KCNN3: variants seen among roughly 807,000 people sequenced by gnomAD.
The protein encoded by KCNN3 is potassium calcium-activated channel subfamily N member 3, also known as small conductance calcium-activated potassium channel protein 3.
Under a neutral mutation model 62.9 loss-of-function variants are expected in KCNN3, and 16 were observed. The ratio of observed to expected loss-of-function variants is 0.25; its 90% CI spans 0.17 to 0.39. The LOEUF is 0.39. Ranked by LOEUF, KCNN3 falls within the 10% of genes least tolerant of loss-of-function variation. The probability of loss-of-function intolerance (pLI) is 1.00; values close to 1 mark genes in which losing one functional copy is unlikely to be tolerated. For missense variants in KCNN3, 599 were observed against 949.4 expected, an observed-to-expected ratio of 0.63 and a Z score of 4.85; for synonymous variants, 370 against 389.2, an observed-to-expected ratio of 0.95 and a Z score of 0.58.
chr1:154,772,768 T>C lies in KCNN3; in HGVS notation c.1030-375A>G, dbSNP rs1443017318. ...GTGATAAGTGTCATTTGTATGCTAATGAGATGACTAGTGGCTGGGGTCGGT... is the reference window on the plus strand; with the variant it reads ...GTGATAAGTGTCATTTGTATGCTAACGAGATGACTAGTGGCTGGGGTCGGT... On this transcript the variant is annotated intron_variant, in intron 2 of 7. Coordinates refer to ENST00000271915, the MANE Select transcript of KCNN3 (RefSeq NM_002249.6). The surrounding 1 kb of genome is among the most constrained non-coding windows in gnomAD (Gnocchi z 5.6). Among the ~76,000 whole-genome samples, 6 of 152,032 alleles carry C rather than the reference T, an allele frequency of 3.9e-5. No homozygotes were observed. The highest frequency in any genetic ancestry group is 1.4e-4 in the African/African-American group (6 of 41,388).
intron 2 of KCNN3, among the ~76,000 whole-genome samples, chr1:154,806,909 A>T (rs1416631867): frequency 6.6e-6 from 1 of 152,188 alleles, no homozygotes; most frequent in East Asian, 1.9e-4. Context: ...CAGGGTGCCC[A>T]AGGACTCCCA....
intron 3 of KCNN3, among the ~76,000 whole-genome samples, chr1:154,755,734 G>C (rs1339317209): frequency 6.7e-6 from 1 of 149,080 alleles, no homozygotes; most frequent in Non-Finnish European, 1.5e-5. Flanking sequence ...AAAAGGAGAA[G>C]AAGAAGGCAA....
At chr1:154,751,402 G>C (rs1189798000) in intron 3 of KCNN3, among the ~76,000 whole-genome samples, 2 of 152,154 alleles carry the variant, frequency 1.3e-5, no homozygotes, top group Non-Finnish European at 2.9e-5. Flanking sequence ...GGAGGCCTGT[G>C]GCATCCCGTG....
chr1:154,798,217 C>T (rs1024012489), intron 2 of KCNN3, among the ~76,000 whole-genome samples: 1 of 152,196 alleles, frequency 6.6e-6, no homozygotes, highest in African/African-American at 2.4e-5. Context: ...CATCTGTTAG[C>T]CTCAGACCTG....
At chr1:154,868,977 T>A (rs1415973312) in intron 1 of KCNN3, 55 bp downstream of exon 1, 1 of 1,526,700 alleles carries the variant, frequency 6.6e-7, no homozygotes, top group African/African-American at 1.4e-5. Flanking sequence ...AATCCCTCTC[T>A]TGCTACCTAC....
chr1:154,851,004 G>A (rs1481101963), intron 1 of KCNN3, among the ~76,000 whole-genome samples: 1 of 152,168 alleles, frequency 6.6e-6, no homozygotes, highest in African/African-American at 2.4e-5. Context: ...TTGAGGCAGA[G>A]TCTCGCTCTG....
intron 4 of KCNN3, among the ~76,000 whole-genome samples, chr1:154,730,925 G>A (rs1485415656): frequency 6.6e-6 from 1 of 152,172 alleles, no homozygotes; most frequent in African/African-American, 2.4e-5. Context: ...GCAGGGGTGG[G>A]GCCAGGGTCT....
In KCNN3 at chr1:154,736,516, C is replaced by T. The variant is rs978957438; in HGVS notation, c.1449-3372G>A. 1.4e-4 allele frequency among the ~76,000 whole-genome samples: 22 copies of T among 152,356 alleles called. No homozygotes were observed. In the South Asian group the frequency reaches 2.7e-3, roughly 19 times the overall value. ...TACATGAAAGACTGACTAAAGGGGT[C>T]AGGCCCCAGATAAGCAGTGCTGCTA... On this transcript the variant is annotated intron_variant, in intron 3 of 7. Coordinates refer to ENST00000271915, the MANE Select transcript of KCNN3 (RefSeq NM_002249.6).
At chr1:154,733,448 A>G (rs866466906) in intron 3 of KCNN3, among the ~76,000 whole-genome samples, 2 of 152,362 alleles carry the variant, frequency 1.3e-5, no homozygotes, top group Middle Eastern at 3.4e-3. Context: ...GCTTTGGATG[A>G]AATCATGCAG....
intron 6 of KCNN3, among the ~76,000 whole-genome samples, chr1:154,713,857 A>G (rs1700127165): frequency 6.6e-6 from 1 of 151,718 alleles, no homozygotes; most frequent in South Asian, 2.1e-4. Flanking sequence ...CCTCTCCATC[A>G]GAATGAATGT....
intron 3 of KCNN3, among the ~76,000 whole-genome samples, chr1:154,769,799 G>C (rs1359486187): frequency 6.6e-6 from 1 of 152,206 alleles, no homozygotes; most frequent in Admixed American, 6.5e-5. Context: ...ATAGGCCCAT[G>C]TATGGTACAA....
At chr1:154,866,050 C>A (rs1460143098) in intron 1 of KCNN3, among the ~76,000 whole-genome samples, 3 of 152,150 alleles carry the variant, frequency 2.0e-5, no homozygotes, top group Admixed American at 2.0e-4. Flanking sequence ...CCTGAGCTCT[C>A]CTGGGCTGTG....
At chr1:154,755,574 G>GAGAA (rs1199636712) in intron 3 of KCNN3, among the ~76,000 whole-genome samples, 2 of 80,494 alleles carry the variant, frequency 2.5e-5, no homozygotes, top group Non-Finnish European at 4.6e-5. Context: ...AAGAGAGAGA[G>GAGAA]AGAAAGAAAG....
At chr1:154,829,392 G>A (rs1651287585) in intron 1 of KCNN3, among the ~76,000 whole-genome samples, 1 of 152,244 alleles carries the variant, frequency 6.6e-6, no homozygotes, top group South Asian at 2.1e-4. Flanking sequence ...TGAGCCCACT[G>A]TGTGGGTGAG....
chr1:154,800,582 C>T (rs950147326), intron 2 of KCNN3, among the ~76,000 whole-genome samples: 1 of 152,112 alleles, frequency 6.6e-6, no homozygotes, highest in Non-Finnish European at 1.5e-5. Flanking sequence ...ACAGGAAAAG[C>T]AGACACCACC....
chr1:154,767,886 T>A (rs1648370301), intron 3 of KCNN3, among the ~76,000 whole-genome samples: 1 of 152,176 alleles, frequency 6.6e-6, no homozygotes, highest in African/African-American at 2.4e-5. Flanking sequence ...GGAGGAAATA[T>A]GAAAAACCTT....
chr1:154,801,942 C>A lies in KCNN3; in HGVS notation c.1029+20147G>T, dbSNP rs565685810. Among the ~76,000 whole-genome samples, 23 of 152,306 alleles carry A rather than the reference C, an allele frequency of 1.5e-4. No individual in the cohort carries two copies. The East Asian group carries it at 4.2e-3, about 28-fold the overall frequency. ...AGCAGAAGAGGAAGGGGCCAACCCA[C>A]AAGAGCAAGGGAATAAGAACATGGC... On this transcript the variant is annotated intron_variant, in intron 2 of 7. Coordinates refer to ENST00000271915, the MANE Select transcript of KCNN3 (RefSeq NM_002249.6).
At chr1:154,784,265 C>A (rs543225983) in intron 2 of KCNN3, among the ~76,000 whole-genome samples, 87 of 152,164 alleles carry the variant, frequency 5.7e-4, no homozygotes, top group Non-Finnish European at 1.0e-3. Context: ...AATCATGTCA[C>A]CTCCCCTTCT....
chr1:154,868,217 G>C (rs753642701), intron 1 of KCNN3: 55 of 985,410 alleles, frequency 5.6e-5, no homozygotes, highest in Non-Finnish European at 6.3e-5. Flanking sequence ...TGCTCCCCCA[G>C]CTGATTCCAA....
Sources: allele counts gnomAD v4.1 joint callset (sites outside exome capture counted in the v4.1 genomes callset), GRCh38; gene constraint gnomAD v4.1.1; non-coding constraint Gnocchi (gnomAD v3.1); transcripts MANE v1.5; gene names NCBI Gene and HGNC (gene_info 2026-07-23, HGNC 2026-07-21).